The following TIRAP variants were observed in gnomAD, a reference collection of about 807,000 sequenced individuals.
The protein encoded by TIRAP is TIR domain containing adaptor protein, also known as toll/interleukin-1 receptor domain-containing adapter protein.
A neutral mutation model predicts 19.8 loss-of-function variants in TIRAP; 20 were observed. The observed-to-expected ratio is 1.01, with a 90% CI of 0.71 to 1.47. TIRAP has a LOEUF of 1.47. Ranked by LOEUF, TIRAP falls within the 40% of genes most tolerant of loss-of-function variation. The pLI, the probability that TIRAP is intolerant of heterozygous loss-of-function variation, is 0.00. For missense variants in TIRAP, 276 were observed against 285.1 expected (o/e 0.97, Z 0.23); for synonymous variants, 125 against 121.7 (o/e 1.03, Z -0.18).
chr11:126,292,997 C>G lies in TIRAP; in HGVS notation c.588C>G (p.Tyr196Ter). ...CACCTGAGCTCCGATTCATGTACTA[C>G]GTCGATGGCAGGGGCCCTGATGGTG... is the stretch of plus-strand genomic sequence containing the variant. ...AYPPELRFMY[Y>*]VDGRGPDGGF... Residue 196 changes from tyrosine (Y) to a stop codon, truncating the protein, a stop_gained, in exon 4 of 5, where the codon TAC becomes TAG. Transcript: ENST00000392679. LOFTEE classifies it high-confidence loss of function. 1 of 1,614,176 alleles carries G rather than the reference C, an allele frequency of 6.2e-7. No individual in the cohort carries two copies. The highest frequency in any genetic ancestry group is 8.5e-7 in the Non-Finnish European group (1 of 1,180,008).
chr11:126,283,202 C>A (rs1951275688), intron 1 of TIRAP, 49 bp downstream of exon 1: 2 of 950,686 alleles, frequency 2.1e-6, no homozygotes, highest in African/African-American at 1.8e-5. Flanking sequence ...GGCGGGGCTC[C>A]GTGGGGTGGG....
intron 1 of TIRAP, among the ~76,000 whole-genome samples, chr11:126,284,593 C>T (rs1951296349): frequency 6.6e-6 from 1 of 152,040 alleles, no homozygotes; most frequent in Admixed American, 6.6e-5. Flanking sequence ...CAGTGGCTCA[C>T]ACCTGTAATC....
intron 1 of TIRAP, among the ~76,000 whole-genome samples, chr11:126,284,178 C>T (rs1014527803): frequency 6.6e-6 from 1 of 151,996 alleles, no homozygotes; most frequent in South Asian, 2.1e-4. Flanking sequence ...GGATTACAGG[C>T]GCCTGCCACC....
Position 126,294,454 on chromosome 11 carries a change from T to C in TIRAP, c.*767T>C, listed in dbSNP as rs625413. The C allele has an allele frequency of 0.83, 374,162 of 452,884 alleles. 155,830 individuals carry two copies. The highest frequency in any genetic ancestry group is 1 in the East Asian group (14,343 of 14,358). 28.1% of individuals were successfully genotyped at this position (452,884 alleles called of 1,614,324 possible). On this transcript the variant is annotated 3_prime_UTR_variant, in exon 5 of 5. Coordinates refer to ENST00000392679, the MANE Select transcript of TIRAP (RefSeq NM_001318777.2). ...TGGGAATCCAGGGCTCAGGGTTCAA[T>C]GCCTTCACCTGAGATCACAAGCCCA...
chr11:126,293,104 C>G (rs748951042), intron 4 of TIRAP, 49 bp downstream of exon 4: 1 of 1,612,294 alleles, frequency 6.2e-7, no homozygotes, highest in Non-Finnish European at 8.5e-7. Flanking sequence ...GCTACAGTAT[C>G]TGATCTACTT....
In TIRAP at chr11:126,287,690, A is replaced by G. The variant is rs1473587398; in HGVS notation, c.-216-2772A>G. On this transcript the variant is annotated intron_variant, in intron 1 of 4. Coordinates refer to ENST00000392679, the MANE Select transcript of TIRAP (RefSeq NM_001318777.2). The surrounding 1 kb of genome is among the most constrained non-coding windows in gnomAD (Gnocchi z 4.2). ...CAGTTTCTGCACATAATATTGGAAA[A>G]GCATTCTAGAAAGCACTAAAGGTAT... Among the ~76,000 whole-genome samples the G allele has an allele frequency of 6.6e-6, 1 of 152,164 alleles. No individual in the cohort carries two copies.
intron 4 of TIRAP, chr11:126,293,317 G>C (rs1565365775): frequency 1.4e-6 from 1 of 732,396 alleles, no homozygotes. Flanking sequence ...ATACACGAAG[G>C]GCTCAGAACA....
rs1951452150 is a variant in TIRAP at position 126,294,715 on chromosome 11, C to T, written c.*1028C>T. The T allele has an allele frequency of 3.1e-6, 1 of 323,614 alleles. No homozygotes were observed. The highest frequency in any genetic ancestry group is 6.2e-6 in the Non-Finnish European group (1 of 161,842). The allele number at this position is 323,614 out of a possible 1,614,324, so 20.0% of individuals were successfully genotyped here. On this transcript the variant is annotated 3_prime_UTR_variant, in exon 5 of 5. Transcript: ENST00000392679. ...ACTTTTGTGCCCCCCTCTCACTTCT[C>T]CCTATCATGACCCCTCTTTTGCTGA...
In TIRAP at chr11:126,291,816, A is replaced by C. The variant is rs1489861110; in HGVS notation, c.68-661A>C. Among the ~76,000 whole-genome samples, 1 of 151,904 alleles carries C rather than the reference A, an allele frequency of 6.6e-6. No individual in the cohort carries two copies. The highest frequency in any genetic ancestry group is 2.1e-4 in the South Asian group (1 of 4,810). ...GCCTGCAGACTCCCGGTGGTTGACTAGTCAGCTCTAGTGGGAAGTTCTGCT... is the reference window on the plus strand; with the variant it reads ...GCCTGCAGACTCCCGGTGGTTGACTCGTCAGCTCTAGTGGGAAGTTCTGCT... On this transcript the variant is annotated intron_variant, in intron 3 of 4. Coordinates refer to ENST00000392679, the MANE Select transcript of TIRAP (RefSeq NM_001318777.2). The surrounding 1 kb of genome is among the most constrained non-coding windows in gnomAD (Gnocchi z 5.6).
rs928731132 is a variant in TIRAP, at chr11:126,287,126, G to A, written c.-216-3336G>A. On this transcript the variant is annotated intron_variant, in intron 1 of 4. Transcript: ENST00000392679. The surrounding 1 kb of genome is among the most constrained non-coding windows in gnomAD (Gnocchi z 4.2). ...CGGAAGGTAACATATTCTCAGTTCC[G>A]GGGATTAGGATGTGGGCCTCTTTGT... 6.6e-6 allele frequency among the ~76,000 whole-genome samples: 1 copy of A among 152,142 alleles called. No homozygotes were observed. Among genetic ancestry groups the A allele is most frequent in the Non-Finnish European group, 1.5e-5 (1 of 68,034 alleles).
Position 126,291,048 on chromosome 11 carries a change from C to A in TIRAP, c.67+87C>A. ...GGCGCGGTGGGAGGCCTGCCTGGTCCAAACTCAGAGAGACGCAGGAAGGCT... is the reference window on the plus strand; with the variant it reads ...GGCGCGGTGGGAGGCCTGCCTGGTCAAAACTCAGAGAGACGCAGGAAGGCT... On this transcript the variant is annotated intron_variant, in intron 3 of 4. Coordinates refer to ENST00000392679, the MANE Select transcript of TIRAP (RefSeq NM_001318777.2). The surrounding 1 kb of genome is among the most constrained non-coding windows in gnomAD (Gnocchi z 5.6). 6.8e-7 allele frequency: 1 copy of A among 1,464,020 alleles called. No homozygotes were observed. Among genetic ancestry groups the A allele is most frequent in the South Asian group, 1.3e-5 (1 of 77,034 alleles). 90.7% of individuals were successfully genotyped at this position (1,464,020 alleles called of 1,614,324 possible). A position where few individuals can be genotyped will look rare whatever the true frequency, so the allele number is the denominator to read the frequency against.
rs1479489592 is a variant in TIRAP at position 126,294,596 on chromosome 11, T to G, written c.*909T>G. On this transcript the variant is annotated 3_prime_UTR_variant, in exon 5 of 5. Coordinates refer to ENST00000392679, the MANE Select transcript of TIRAP (RefSeq NM_001318777.2). ...CACCATTTTTCTTCTGGCAGATGAC[T>G]GTATTCCTTATAGGACAGGCAAGGT... The G allele has an allele frequency of 2.2e-6, 1 of 456,042 alleles. No homozygotes were observed. The highest frequency in any genetic ancestry group is 2.0e-5 in the African/African-American group (1 of 50,078). 28.2% of individuals were successfully genotyped at this position (456,042 alleles called of 1,614,324 possible).
Position 126,292,802 on chromosome 11 carries a change from C to T in TIRAP, c.393C>T (p.Ser131=), listed in dbSNP as rs142475083. The part of the protein sequence containing the change: ...RDATPGGAIV[S]ELCQALSSSH... ...CAACCCCAGGCGGCGCTATAGTGTC[C>T]GAGCTGTGCCAGGCACTGAGCAGTA... The change falls in exon 4 of 5, where the codon TCC becomes TCT. Residue 131 remains serine, a synonymous_variant. Coordinates refer to ENST00000392679, the MANE Select transcript of TIRAP (RefSeq NM_001318777.2). The T allele has an allele frequency of 7.8e-4, 1,255 of 1,612,934 alleles. 9 individuals are homozygous for T. In the African/African-American group the frequency reaches 0.015, roughly 19 times the overall value.
chr11:126,290,712 G>T lies in TIRAP; in HGVS notation c.-92-91G>T. 2.2e-6 allele frequency: 3 copies of T among 1,382,148 alleles called. No individual in the cohort carries two copies. The South Asian group carries it at 5.3e-5, about 24-fold the overall frequency. 85.6% of individuals were successfully genotyped at this position (1,382,148 alleles called of 1,614,324 possible). A position where few individuals can be genotyped will look rare whatever the true frequency, so the allele number is the denominator to read the frequency against. ...GAGAAGAAGCCTCTGTCAGGCATTA[G>T]GAGAGAAACAGAACTTCGCAGAGCT... On this transcript the variant is annotated intron_variant, in intron 2 of 4. Coordinates refer to ENST00000392679, the MANE Select transcript of TIRAP (RefSeq NM_001318777.2). This position sits in a 1 kb window ranked among gnomAD's most constrained non-coding sequence, Gnocchi z 4.9.
chr11:126,285,243 G>GTGTGTGTGTGTATATATATATA, intron 1 of TIRAP, among the ~76,000 whole-genome samples: 7,550 of 106,550 alleles, frequency 0.071, 366 homozygotes, highest in Non-Finnish European at 0.11. Context: ...GTGTGTGTGT[G>GTGTGTGTGTGTATATATATATA]TATATATATA....
chr11:126,292,808 G>A lies in TIRAP; in HGVS notation c.399G>A (p.Leu133=). 6.2e-7 allele frequency: 1 copy of A among 1,612,918 alleles called. No homozygotes were observed. Among genetic ancestry groups the A allele is most frequent in the Non-Finnish European group, 8.5e-7 (1 of 1,179,848 alleles). ...CAGGCGGCGCTATAGTGTCCGAGCTGTGCCAGGCACTGAGCAGTAGTCACT... is the reference window on the plus strand; with the variant it reads ...CAGGCGGCGCTATAGTGTCCGAGCTATGCCAGGCACTGAGCAGTAGTCACT... ...ATPGGAIVSE[L]CQALSSSHCR... The change falls in exon 4 of 5, where the codon CTG becomes CTA. Residue 133 remains leucine, a synonymous_variant. Coordinates refer to ENST00000392679, the MANE Select transcript of TIRAP (RefSeq NM_001318777.2).
chr11:126,283,761 G>C (rs1591370719), intron 1 of TIRAP, among the ~76,000 whole-genome samples: 1 of 152,320 alleles, frequency 6.6e-6, no homozygotes, highest in African/African-American at 2.4e-5. Context: ...AGAGGGGGAA[G>C]TGTGGAGAAC....
In TIRAP at chr11:126,292,641, G is replaced by GT. The variant is rs1175629622; in HGVS notation, c.232_233insT (p.Gly78ValfsTer3). 6.2e-7 allele frequency: 1 copy of GT among 1,614,154 alleles called. No homozygotes were observed. Among genetic ancestry groups the GT allele is most frequent in the Non-Finnish European group, 8.5e-7 (1 of 1,180,020 alleles). ...GCCACCCACACATGCGAGTGACAGT[G>GT]GCAGTAGTCGCTGGAGCAAAGACTA... On this transcript the variant is annotated frameshift_variant, in exon 4 of 5. Coordinates refer to ENST00000392679, the MANE Select transcript of TIRAP (RefSeq NM_001318777.2). LOFTEE classifies it high-confidence loss of function.
chr11:126,283,980 A>G (rs8177353), intron 1 of TIRAP, among the ~76,000 whole-genome samples: 18,173 of 151,724 alleles, frequency 0.12, 1,118 homozygotes, highest in African/African-American at 0.14. Context: ...ACGCCATAAA[A>G]TAGGTTTGCC....
Sources: allele counts gnomAD v4.1 joint callset (sites outside exome capture counted in the v4.1 genomes callset), GRCh38; gene constraint gnomAD v4.1.1; non-coding constraint Gnocchi (gnomAD v3.1); transcripts MANE v1.5; gene names NCBI Gene and HGNC (gene_info 2026-07-23, HGNC 2026-07-21).